Variants in CRYBB2 observed in about 807,000 individuals in gnomAD.
CRYBB2 encodes the protein beta-crystallin B2.
In CRYBB2, 12 loss-of-function variants were observed where a neutral mutation model predicts 24.3. The ratio of observed to expected loss-of-function variants is 0.49; its 90% confidence interval spans 0.32 to 0.80. The LOEUF (loss-of-function observed/expected upper bound fraction) is 0.80. CRYBB2 is among the 30% of genes least tolerant of loss of function. The pLI, the probability that CRYBB2 is intolerant of heterozygous loss-of-function variation, is 0.04. For missense variants in CRYBB2, 198 were observed against 268.5 expected (o/e 0.74, Z 1.83); for synonymous variants, 98 against 101.6 (o/e 0.96, Z 0.21).
At chr22:25,214,761 G>A (rs1474273809), upstream of CRYBB2, among the ~76,000 whole-genome samples, 1 of 152,196 alleles carries the variant, frequency 6.6e-6, no homozygotes, top group East Asian at 1.9e-4. Flanking sequence ...GGGAAACTGA[G>A]GTAAGAGAAG....
upstream of CRYBB2, among the ~76,000 whole-genome samples, chr22:25,218,706 G>GAGAGA (rs1265990056): frequency 2.6e-5 from 1 of 37,944 alleles, no homozygotes; most frequent in African/African-American, 1.9e-4. Context: ...GAGAGAGAGG[G>GAGAGA]GGAGAGAGAG....
chr22:25,221,264 G>A (rs913524145), intron 1 of CRYBB2, 140 bp from the exon 2 acceptor site: 2 of 667,676 alleles, frequency 3.0e-6, no homozygotes, highest in African/African-American at 1.8e-5. Flanking sequence ...GCTGCTTACG[G>A]ACCCCACAGC....
intron 3 of CRYBB2, 74 bp downstream of exon 3, chr22:25,225,110 C>T (rs1935389018): frequency 1.2e-5 from 10 of 857,236 alleles, no homozygotes; most frequent in Non-Finnish European, 1.0e-5. Flanking sequence ...GGGGAATCTA[C>T]CCTTGCTCCT....
chr22:25,226,198 GTGTGTGTGTA>G lies in CRYBB2; in HGVS notation c.173+1164_173+1173del, dbSNP rs1935411774. Among the ~76,000 whole-genome samples the G allele has an allele frequency of 2.4e-5, 3 of 127,196 alleles. No homozygotes were observed. In the South Asian group the frequency reaches 8.6e-4, roughly 37 times the overall value. 83.4% of individuals were successfully genotyped at this position (127,196 alleles called of 152,430 possible). A position where few individuals can be genotyped will look rare whatever the true frequency, so the allele number is the denominator to read the frequency against. ...TGTGTGTGTGTGTGTGTGTGTGTGT[GTGTGTGTGTA>G]TAATCAAATCAAACTTGGATCATAC... On this transcript the variant is annotated intron_variant, in intron 3 of 5. Transcript: ENST00000398215.
upstream of CRYBB2, among the ~76,000 whole-genome samples, chr22:25,218,854 A>AAGAAAG (rs1935272766): frequency 6.6e-6 from 1 of 150,722 alleles, no homozygotes; most frequent in South Asian, 2.1e-4. Flanking sequence ...GAAAGAAAGA[A>AAGAAAG]AGAAAAGAAA....
chr22:25,218,473 AT>A (rs1935217695), upstream of CRYBB2, among the ~76,000 whole-genome samples: 1 of 151,558 alleles, frequency 6.6e-6, no homozygotes, highest in South Asian at 2.1e-4. Flanking sequence ...CCTGGGCAAC[AT>A]GTCAAAACCC....
At chr22:25,227,814 G>A in intron 3 of CRYBB2, 39 bp from the exon 4 acceptor site, 2 of 1,613,692 alleles carry the variant, frequency 1.2e-6, no homozygotes, top group Non-Finnish European at 1.7e-6. Context: ...AGCTTGGAGT[G>A]GAACTGACCT....
At chr22:25,218,736 G>GGGA (rs1935236719), upstream of CRYBB2, among the ~76,000 whole-genome samples, 1 of 35,288 alleles carries the variant, frequency 2.8e-5, no homozygotes, top group Admixed American at 3.2e-4. Context: ...GAGAGAGAGG[G>GGGA]GAGAGAGAGA....
At chr22:25,215,454 A>G (rs1358015839), upstream of CRYBB2, among the ~76,000 whole-genome samples, 1 of 152,268 alleles carries the variant, frequency 6.6e-6, no homozygotes, top group Admixed American at 6.5e-5. Context: ...CTGTTAATAA[A>G]TACATGGGTA....
chr22:25,222,137 C>G (rs1053565613), intron 2 of CRYBB2, among the ~76,000 whole-genome samples: 5 of 152,216 alleles, frequency 3.3e-5, no homozygotes, highest in African/African-American at 1.2e-4. Context: ...TGACTGCCCT[C>G]CTGTGCCTCC....
intron 5 of CRYBB2, among the ~76,000 whole-genome samples, chr22:25,231,387 G>A (rs531266779): frequency 2.0e-5 from 3 of 151,996 alleles, no homozygotes; most frequent in East Asian, 3.9e-4. Flanking sequence ...AGGAGGCAGT[G>A]AGCTCCCCAT....
Position 25,224,814 on chromosome 22 carries a change from C to T in CRYBB2, c.55-104C>T, listed in dbSNP as rs1439724892. ...TTGATTTGTCACTCTGGAGGTGAAC[C>T]CTTCAGCATCCTTTGGGTTCTCTGA... is the stretch of plus-strand genomic sequence containing the variant. On this transcript the variant is annotated intron_variant, in intron 2 of 5. Transcript: ENST00000398215. 3.1e-5 allele frequency: 24 copies of T among 783,828 alleles called. No individual in the cohort carries two copies. In the East Asian group the frequency reaches 5.1e-4, roughly 17 times the overall value. The allele number at this position is 783,828 out of a possible 1,614,324, so 48.6% of individuals were successfully genotyped here. A position where few individuals can be genotyped will look rare whatever the true frequency, so the allele number is the denominator to read the frequency against.
upstream of CRYBB2, among the ~76,000 whole-genome samples, chr22:25,211,780 T>C (rs1238612260): frequency 6.6e-6 from 1 of 152,240 alleles, no homozygotes; most frequent in African/African-American, 2.4e-5. Context: ...CCCTCAGTTA[T>C]AAGCGAATGA....
chr22:25,212,381 C>A (rs763261561), upstream of CRYBB2, among the ~76,000 whole-genome samples: 11 of 152,194 alleles, frequency 7.2e-5, no homozygotes, highest in Non-Finnish European at 1.5e-4. Context: ...GGGGCCAGGA[C>A]CCAGACAGTG....
rs933927311 is a variant in CRYBB2, at chr22:25,226,189, T to C, written c.173+1153T>C. On this transcript the variant is annotated intron_variant, in intron 3 of 5. Coordinates refer to ENST00000398215, the MANE Select transcript of CRYBB2 (RefSeq NM_000496.3). ...TTCTCTGTGTGTGTGTGTGTGTGTG[T>C]GTGTGTGTGTGTGTGTGTATAATCA... Among the ~76,000 whole-genome samples, 66 of 152,016 alleles carry C rather than the reference T, an allele frequency of 4.3e-4. 1 individual carries two copies. Among genetic ancestry groups the C allele is most frequent in the African/African-American group, 1.6e-3 (66 of 41,484 alleles).
chr22:25,214,763 TAAGAG>T (rs1241334026), upstream of CRYBB2, among the ~76,000 whole-genome samples: 3 of 152,194 alleles, frequency 2.0e-5, no homozygotes, highest in African/African-American at 4.8e-5. Context: ...GAAACTGAGG[TAAGAG>T]AAGAGAAGTA....
At chr22:25,226,218 C>T (rs536999762) in intron 3 of CRYBB2, among the ~76,000 whole-genome samples, 9 of 150,244 alleles carry the variant, frequency 6.0e-5, no homozygotes, top group African/African-American at 2.2e-4. Flanking sequence ...ATAATCAAAT[C>T]AAACTTGGAT....
chr22:25,229,319 G>A (rs1177897501), intron 4 of CRYBB2, 117 bp from the exon 5 acceptor site: 16 of 1,520,984 alleles, frequency 1.1e-5, no homozygotes, highest in African/African-American at 1.4e-5. Flanking sequence ...GGGTGCACTG[G>A]GAAGAGAGTG....
At chr22:25,217,208 T>A (rs1264574398), upstream of CRYBB2, among the ~76,000 whole-genome samples, 3 of 152,028 alleles carry the variant, frequency 2.0e-5, no homozygotes, top group South Asian at 2.1e-4. Context: ...ACAGCCACAC[T>A]GTTTTCCGTA....
Sources: gnomAD v4.1 joint callset for allele counts (sites outside exome capture counted in the v4.1 genomes callset) on GRCh38, gnomAD v4.1.1 for gene constraint, MANE v1.5 for transcripts, NCBI Gene and HGNC (gene_info 2026-07-23, HGNC 2026-07-21) for gene names.